SEMA5A: variants seen among roughly 807,000 people sequenced by gnomAD.
SEMA5A encodes semaphorin-5A.
A neutral mutation model predicts 135.5 loss-of-function variants in SEMA5A; 55 were observed. The observed-to-expected ratio is 0.41, with a 90% CI of 0.33 to 0.51. The LOEUF (loss-of-function observed/expected upper bound fraction) is 0.51. Ranked by LOEUF, SEMA5A falls within the 20% of genes least tolerant of loss-of-function variation. The probability of loss-of-function intolerance (pLI) is 0.37; values close to 1 mark genes in which losing one functional copy is unlikely to be tolerated. For missense variants in SEMA5A, 1,290 were observed against 1,419.9 expected, an observed-to-expected ratio of 0.91 and a Z score of 1.47; for synonymous variants, 580 against 546.5, an observed-to-expected ratio of 1.06 and a Z score of -0.85.
At chr5:9,086,695 G>T (rs1325578339) in intron 16 of SEMA5A, among the ~76,000 whole-genome samples, 2 of 152,158 alleles carry the variant, frequency 1.3e-5, no homozygotes, top group Non-Finnish European at 2.9e-5. Context: ...TTCCCAATCT[G>T]CAAGCAGAAT....
intron 3 of SEMA5A, among the ~76,000 whole-genome samples, chr5:9,344,214 C>A (rs952816063): frequency 6.6e-6 from 1 of 152,060 alleles, no homozygotes; most frequent in Non-Finnish European, 1.5e-5. Flanking sequence ...TCTTGTGAAG[C>A]GAGAGCTATC....
chr5:9,521,038 A>AT (rs1736797618), intron 1 of SEMA5A, among the ~76,000 whole-genome samples: 2 of 152,238 alleles, frequency 1.3e-5, no homozygotes, highest in South Asian at 4.1e-4. Flanking sequence ...CGTTAGCAAT[A>AT]GGGGAACCTG....
At chr5:9,096,614 A>T (rs200307349) in intron 16 of SEMA5A, among the ~76,000 whole-genome samples, 2 of 150,000 alleles carry the variant, frequency 1.3e-5, no homozygotes, top group East Asian at 3.9e-4. Context: ...TTCTTTATCC[A>T]TTCATCTATT....
chr5:9,366,159 A>G (rs1161431751), intron 3 of SEMA5A, among the ~76,000 whole-genome samples: 1 of 152,174 alleles, frequency 6.6e-6, no homozygotes, highest in Non-Finnish European at 1.5e-5. Context: ...TTAATATTTC[A>G]TCTCTGAATC....
intron 5 of SEMA5A, among the ~76,000 whole-genome samples, chr5:9,285,964 T>C (rs1205050860): frequency 6.6e-6 from 1 of 152,244 alleles, no homozygotes; most frequent in African/African-American, 2.4e-5. Context: ...TTAGCCAGAT[T>C]TGATCATTAT....
intron 5 of SEMA5A, among the ~76,000 whole-genome samples, chr5:9,311,032 C>T (rs1752104379): frequency 6.6e-6 from 1 of 151,860 alleles, no homozygotes; most frequent in Non-Finnish European, 1.5e-5. Flanking sequence ...CTTAATATCA[C>T]AGATTAGAAA....
At chr5:9,129,495 T>C (rs1741287678) in intron 13 of SEMA5A, among the ~76,000 whole-genome samples, 1 of 152,260 alleles carries the variant, frequency 6.6e-6, no homozygotes, top group Non-Finnish European at 1.5e-5. Flanking sequence ...ATTTTGACCC[T>C]GAGTATATTC....
chr5:9,089,647 C>G (rs1738924244), intron 16 of SEMA5A, among the ~76,000 whole-genome samples: 1 of 152,174 alleles, frequency 6.6e-6, no homozygotes, highest in Non-Finnish European at 1.5e-5. Flanking sequence ...ATTGAATTGG[C>G]TGTGATCTCC....
intron 5 of SEMA5A, among the ~76,000 whole-genome samples, chr5:9,258,813 T>C (rs1204620742): frequency 1.5e-5 from 2 of 131,504 alleles, no homozygotes; most frequent in African/African-American, 5.7e-5. Flanking sequence ...CTTTTTTTTT[T>C]TTTTTTTTTT....
chr5:9,249,644 A>G (rs1468832159), intron 5 of SEMA5A, among the ~76,000 whole-genome samples: 2 of 152,196 alleles, frequency 1.3e-5, no homozygotes, highest in South Asian at 2.1e-4. Context: ...TGAAAGATGT[A>G]GTTGTTGATA....
At chr5:9,497,573 A>T (rs1305147916) in intron 1 of SEMA5A, among the ~76,000 whole-genome samples, 1 of 152,194 alleles carries the variant, frequency 6.6e-6, no homozygotes, top group East Asian at 1.9e-4. Context: ...GTGTTTGCAA[A>T]TACTTAGCCT....
chr5:9,121,026 C>T (rs1740788877), intron 14 of SEMA5A, among the ~76,000 whole-genome samples: 1 of 152,150 alleles, frequency 6.6e-6, no homozygotes, highest in South Asian at 2.1e-4. Context: ...GATCTGCCCA[C>T]CTCAGCCTCC....
intron 2 of SEMA5A, among the ~76,000 whole-genome samples, chr5:9,398,101 T>C (rs928844830): frequency 6.6e-6 from 1 of 152,094 alleles, no homozygotes; most frequent in African/African-American, 2.4e-5. Context: ...TGGCCAAGTA[T>C]TTTTTTTCCA....
chr5:9,082,068 T>G (rs148044876), intron 16 of SEMA5A, among the ~76,000 whole-genome samples: 23 of 152,334 alleles, frequency 1.5e-4, no homozygotes, highest in African/African-American at 4.6e-4. Flanking sequence ...CTCAAGAGCT[T>G]CTTGCAAATG....
chr5:9,129,495 T>G (rs1741287678), intron 13 of SEMA5A, among the ~76,000 whole-genome samples: 1 of 152,260 alleles, frequency 6.6e-6, no homozygotes, highest in Non-Finnish European at 1.5e-5. Flanking sequence ...ATTTTGACCC[T>G]GAGTATATTC....
intron 5 of SEMA5A, among the ~76,000 whole-genome samples, chr5:9,259,042 G>A (rs1397696154): frequency 1.3e-5 from 2 of 152,062 alleles, no homozygotes; most frequent in Non-Finnish European, 1.5e-5. Context: ...GGTTAGTCTG[G>A]AACTCCTGAC....
intron 1 of SEMA5A, among the ~76,000 whole-genome samples, chr5:9,498,191 G>A (rs1008910882): frequency 5.3e-5 from 8 of 152,270 alleles, no homozygotes; most frequent in Admixed American, 1.3e-4. Context: ...ACTAACTGAT[G>A]CAGAGCCACA....
chr5:9,232,570 A>G (rs566273459), intron 6 of SEMA5A, among the ~76,000 whole-genome samples: 1 of 152,236 alleles, frequency 6.6e-6, no homozygotes, highest in Non-Finnish European at 1.5e-5. Flanking sequence ...ATATATGCAC[A>G]TGCAAATCAC....
chr5:9,245,821 A>T (rs1007794986), intron 5 of SEMA5A, among the ~76,000 whole-genome samples: 3 of 152,170 alleles, frequency 2.0e-5, no homozygotes, highest in Non-Finnish European at 4.4e-5. Context: ...TGAGTAACAC[A>T]GTTGGCAAGT....
Sources: allele counts gnomAD v4.1 joint callset (sites outside exome capture counted in the v4.1 genomes callset), GRCh38; gene constraint gnomAD v4.1.1; transcripts MANE v1.5; gene names NCBI Gene and HGNC (gene_info 2026-07-23, HGNC 2026-07-21).